The following BCAT2 variants were observed in gnomAD, a reference collection of about 807,000 sequenced individuals.
BCAT2 encodes the protein branched chain amino acid transaminase 2.
In BCAT2, 44 loss-of-function variants were observed where a neutral mutation model predicts 52.9. The ratio of observed to expected loss-of-function variants is 0.83; its 90% CI spans 0.65 to 1.07. The LOEUF (loss-of-function observed/expected upper bound fraction) is 1.07. Ranked by LOEUF, BCAT2 falls within the 50% of genes least tolerant of loss-of-function variation. BCAT2 has a pLI of 0.00. For missense variants in BCAT2, 478 were observed against 521.8 expected (o/e 0.92, Z 0.82); for synonymous variants, 215 against 217.1 (o/e 0.99, Z 0.08).
chr19:48,800,506 C>A (rs1319515646), intron 3 of BCAT2, among the ~76,000 whole-genome samples: 3 of 152,104 alleles, frequency 2.0e-5, no homozygotes, highest in Non-Finnish European at 4.4e-5. Flanking sequence ...TAGAGACACA[C>A]GGAGACTCTA....
At chr19:48,796,789 C>T (rs1210247861) in intron 8 of BCAT2, 71 bp from the exon 9 acceptor site, 6 of 1,590,468 alleles carry the variant, frequency 3.8e-6, no homozygotes, top group South Asian at 1.1e-5. Flanking sequence ...CTCTCCCTCC[C>T]TGAGGATAGT....
At chr19:48,806,401 G>A (rs1439907429) in intron 3 of BCAT2, 116 bp downstream of exon 3, 12 of 1,324,852 alleles carry the variant, frequency 9.1e-6, no homozygotes, top group East Asian at 2.4e-5. Flanking sequence ...AATGGTGAAT[G>A]CACAGAAAGG....
chr19:48,810,729 T>A (rs577242411), intron 1 of BCAT2: 212 of 697,680 alleles, frequency 3.0e-4, no homozygotes, highest in African/African-American at 8.9e-4. Context: ...TCCTCCACCA[T>A]GTTTCCCTTT....
At position 48,800,311 on chromosome 19, in the gene BCAT2, C is replaced by T. The variant is rs771015348; in HGVS notation, c.301-14G>A. Reference sequence around the variant, plus strand: ...GCCCTCAAACAGCTGCGGGGACACGCGGGTGGGGAGGCTCAGAGACTTCTC... The same window carrying T: ...GCCCTCAAACAGCTGCGGGGACACGTGGGTGGGGAGGCTCAGAGACTTCTC... On this transcript the variant is annotated splice_polypyrimidine_tract_variant and intron_variant, in intron 3 of 10. Transcript: ENST00000316273. The T allele has an allele frequency of 3.1e-6, 5 of 1,611,256 alleles. No individual in the cohort carries two copies. Among genetic ancestry groups the T allele is most frequent in the African/African-American group, 1.3e-5 (1 of 75,018 alleles).
chr19:48,810,736 C>CA, intron 1 of BCAT2: 2 of 720,992 alleles, frequency 2.8e-6, no homozygotes, highest in Non-Finnish European at 3.5e-6. Context: ...CCATGTTTCC[C>CA]TTTTTTTTTT....
intron 1 of BCAT2, among the ~76,000 whole-genome samples, chr19:48,808,811 T>C (rs2034853351): frequency 6.6e-6 from 1 of 151,248 alleles, no homozygotes; most frequent in South Asian, 2.1e-4. Flanking sequence ...CAGTAGCTCA[T>C]GCCTGTAATC....
rs759410750 is a variant in BCAT2 at position 48,807,097 on chromosome 19, G to A, written c.25-23C>T. 3 of 1,603,422 alleles carry A rather than the reference G, an allele frequency of 1.9e-6. No individual in the cohort carries two copies. Among genetic ancestry groups the A allele is most frequent in the Non-Finnish European group, 2.6e-6 (3 of 1,172,368 alleles). On this transcript the variant is annotated intron_variant, in intron 1 of 10. Coordinates refer to ENST00000316273, the MANE Select transcript of BCAT2 (RefSeq NM_001190.4). This position sits in a 1 kb window ranked among gnomAD's most constrained non-coding sequence, Gnocchi z 4.6. ...GATCTGGGTGGAGAAAGAAGTGAGA[G>A]AGGGGGTGAGTGGGGCACAGCAGGG...
chr19:48,806,843 G>T, intron 2 of BCAT2, 126 bp from the exon 3 acceptor site: 1 of 1,400,098 alleles, frequency 7.1e-7, no homozygotes, highest in Admixed American at 1.9e-5. Context: ...AGGATTCTGG[G>T]ACATGCAGTT....
Position 48,796,449 on chromosome 19 carries a change from C to A in BCAT2, c.1119G>T (p.Gln373His). 6.2e-7 allele frequency: 1 copy of A among 1,614,160 alleles called. No individual in the cohort carries two copies. The highest frequency in any genetic ancestry group is 8.5e-7 in the Non-Finnish European group (1 of 1,180,030). Reference sequence around the variant, plus strand: ...TCACCTGGATCTCCTTCAGCTCCTTCTGGAAGCGGAGGATCAGCTCAGGCC... The same window carrying A: ...TCACCTGGATCTCCTTCAGCTCCTTATGGAAGCGGAGGATCAGCTCAGGCC... ...ENGPELILRF[Q>H]KELKEIQYGI... Residue 373 changes from glutamine (Q) to histidine (H), a missense_variant, in exon 10 of 11, where the codon CAG becomes CAT. Coordinates refer to ENST00000316273, the MANE Select transcript of BCAT2 (RefSeq NM_001190.4).
chr19:48,796,634 C>T lies in BCAT2; in HGVS notation c.1009G>A (p.Gly337Ser), dbSNP rs1396826790. ...CAGACCTGGCAAGCGGTGCCCGAGC[C>T]AAAGACTTCCCGCACGCGGCCCTCC... ...LEEGRVREVFGSGTACQVCPV... is the reference protein window; with the variant it reads ...LEEGRVREVFSSGTACQVCPV... The change falls in exon 9 of 11, where the codon GGC becomes AGC. Residue 337 changes from glycine (G) to serine (S), a missense_variant. Physicochemically the swap from Gly to Ser is moderately conservative, Grantham distance 56. Transcript: ENST00000316273. 1 of 1,613,702 alleles carries T rather than the reference C, an allele frequency of 6.2e-7. No homozygotes were observed. Among genetic ancestry groups the T allele is most frequent in the Non-Finnish European group, 8.5e-7 (1 of 1,180,038 alleles).
Position 48,810,804 on chromosome 19 carries a change from C to G in BCAT2, c.24+180G>C, listed in dbSNP as rs1247798563. On this transcript the variant is annotated intron_variant, in intron 1 of 10. Coordinates refer to ENST00000316273, the MANE Select transcript of BCAT2 (RefSeq NM_001190.4). ...CCTCATCCGCGTCTACCTGCTCCCC[C>G]TCACCCCATTAAAGCCTCGTGCTCC... The G allele has an allele frequency of 4.2e-6, 6 of 1,433,496 alleles. No individual in the cohort carries two copies. The South Asian group carries it at 5.8e-5, about 14-fold the overall frequency. The allele number at this position is 1,433,496 out of a possible 1,614,324, so 88.8% of individuals were successfully genotyped here. A position where few individuals can be genotyped will look rare whatever the true frequency, so the allele number is the denominator to read the frequency against.
intron 3 of BCAT2, among the ~76,000 whole-genome samples, chr19:48,803,931 G>A (rs754671772): frequency 6.6e-6 from 1 of 152,182 alleles, no homozygotes; most frequent in Admixed American, 6.5e-5. Context: ...AGGATGAGGC[G>A]GTGGATCATC....
intron 10 of BCAT2, 80 bp from the exon 11 acceptor site, chr19:48,795,544 T>G (rs561272279): frequency 1.3e-6 from 2 of 1,533,778 alleles, no homozygotes; most frequent in East Asian, 2.4e-5. Context: ...CCAGGCCGAG[T>G]GCCTACGGAG....
chr19:48,801,140 A>G (rs2034648713), intron 3 of BCAT2, among the ~76,000 whole-genome samples: 1 of 150,508 alleles, frequency 6.6e-6, no homozygotes, highest in African/African-American at 2.5e-5. Context: ...GGCGCCCACC[A>G]CCACGCCCAG....
rs1599809981 is a variant in BCAT2, at chr19:48,807,254, A to G, written c.25-180T>C. 1.1e-5 allele frequency: 6 copies of G among 549,340 alleles called. No homozygotes were observed. The East Asian group carries it at 2.0e-4, about 18-fold the overall frequency. 34.0% of individuals were successfully genotyped at this position (549,340 alleles called of 1,614,324 possible). Reference sequence around the variant, plus strand: ...GCCAAGTCCCCTCCCTGCCCTGACGAGGGCTCGCTGGAAAGAGCTGAGTCA... The same window carrying G: ...GCCAAGTCCCCTCCCTGCCCTGACGGGGGCTCGCTGGAAAGAGCTGAGTCA... On this transcript the variant is annotated intron_variant, in intron 1 of 10. Transcript: ENST00000316273. The surrounding 1 kb of genome is among the most constrained non-coding windows in gnomAD (Gnocchi z 4.6).
At chr19:48,798,171 C>T (rs2034574067) in intron 6 of BCAT2, among the ~76,000 whole-genome samples, 1 of 152,148 alleles carries the variant, frequency 6.6e-6, no homozygotes, top group Non-Finnish European at 1.5e-5. Context: ...TCCCAAAGTG[C>T]TGGGATTACA....
At chr19:48,804,678 A>G (rs1308349917) in intron 3 of BCAT2, among the ~76,000 whole-genome samples, 1 of 152,062 alleles carries the variant, frequency 6.6e-6, no homozygotes, top group African/African-American at 2.4e-5. Flanking sequence ...CGCCCCCTGG[A>G]CCCGCGGGAT....
At chr19:48,810,628 A>T (rs1005738870) in intron 1 of BCAT2, among the ~76,000 whole-genome samples, 2 of 151,204 alleles carry the variant, frequency 1.3e-5, no homozygotes, top group Admixed American at 1.3e-4. Flanking sequence ...CCTTTATTCC[A>T]GCTCCCGCAC....
intron 10 of BCAT2, 110 bp downstream of exon 10, chr19:48,796,318 C>T: frequency 7.3e-7 from 1 of 1,363,526 alleles, no homozygotes; most frequent in Non-Finnish European, 1.0e-6. Flanking sequence ...AGGCCATTAT[C>T]TGTTCCTGGT....
Sources: gnomAD v4.1 joint callset for allele counts (sites outside exome capture counted in the v4.1 genomes callset) on GRCh38, gnomAD v4.1.1 for gene constraint, Gnocchi (gnomAD v3.1) non-coding constraint, MANE v1.5 for transcripts, NCBI Gene and HGNC (gene_info 2026-07-23, HGNC 2026-07-21) for gene names.